The following DNAI7 variants were observed in gnomAD, a reference collection of about 807,000 sequenced individuals.
The protein encoded by DNAI7 is cancer susceptibility 1.
DNAI7 carries 78 observed loss-of-function variants against 86.6 expected under a neutral mutation model. That is an observed-to-expected ratio of 0.90 (90% CI 0.75 to 1.09). The LOEUF is 1.09. DNAI7 is among the 50% of genes least tolerant of loss of function. The pLI, the probability that DNAI7 is intolerant of heterozygous loss-of-function variation, is 0.00. For missense variants in DNAI7, 753 were observed against 810.2 expected, an observed-to-expected ratio of 0.93 and a Z score of 0.86; for synonymous variants, 274 against 273.0, an observed-to-expected ratio of 1.00 and a Z score of -0.04.
At chr12:25,136,609 A>T (rs747208092) in intron 9 of DNAI7, among the ~76,000 whole-genome samples, 1 of 152,234 alleles carries the variant, frequency 6.6e-6, no homozygotes, top group Non-Finnish European at 1.5e-5. Flanking sequence ...TTATTAGGCT[A>T]CTCAAGGAGT....
intron 2 of DNAI7, among the ~76,000 whole-genome samples, chr12:25,168,132 T>C (rs112073843): frequency 0.02 from 3,058 of 152,306 alleles, 84 homozygotes; most frequent in African/African-American, 0.07. Context: ...GCTGGATCCC[T>C]AGGAGTCTAG....
At chr12:25,110,870 T>A (rs1938677214) in intron 14 of DNAI7, among the ~76,000 whole-genome samples, 1 of 152,194 alleles carries the variant, frequency 6.6e-6, no homozygotes. Flanking sequence ...GTTTCATTCA[T>A]TGCTATATCC....
intron 2 of DNAI7, among the ~76,000 whole-genome samples, chr12:25,165,071 G>A (rs966449220): frequency 3.3e-5 from 5 of 152,044 alleles, no homozygotes; most frequent in Admixed American, 1.3e-4. Context: ...CCAGTTCATG[G>A]CTCATTTGGC....
At chr12:25,153,838 A>G (rs965493511) in intron 6 of DNAI7, among the ~76,000 whole-genome samples, 1 of 152,082 alleles carries the variant, frequency 6.6e-6, no homozygotes, top group Non-Finnish European at 1.5e-5. Context: ...TTTTAAGTGC[A>G]TTGTAAAGTG....
chr12:25,172,413 A>G (rs1948242478), intron 2 of DNAI7, among the ~76,000 whole-genome samples: 1 of 152,182 alleles, frequency 6.6e-6, no homozygotes, highest in South Asian at 2.1e-4. Flanking sequence ...ACAGACCTCT[A>G]TAAGGAAAAC....
rs187293218 is a variant in DNAI7, at chr12:25,187,579, T to C, written c.21+3035A>G. 1.6e-3 allele frequency among the ~76,000 whole-genome samples: 250 copies of C among 152,282 alleles called. 2 individuals carry two copies. Among genetic ancestry groups the C allele is most frequent in the Non-Finnish European group, 7.1e-4 (48 of 68,002 alleles). ...AATCAATGAAATAAATATTCTTCCA[T>C]GTTTGCAAGAACTTATATATAAGGA... On this transcript the variant is annotated intron_variant, in intron 2 of 15. Transcript: ENST00000395987.
At chr12:25,174,019 A>G (rs908444825) in intron 2 of DNAI7, among the ~76,000 whole-genome samples, 1 of 148,866 alleles carries the variant, frequency 6.7e-6, no homozygotes, top group Non-Finnish European at 1.5e-5. Flanking sequence ...CATGGAATAC[A>G]TATCTCATAT....
chr12:25,141,705 C>T (rs1017412611), intron 9 of DNAI7, among the ~76,000 whole-genome samples: 3 of 152,092 alleles, frequency 2.0e-5, no homozygotes, highest in South Asian at 2.1e-4. Flanking sequence ...TGGCACGTGC[C>T]GGCAATCCCA....
At chr12:25,123,379 C>A (rs1470320344) in intron 9 of DNAI7, 93 bp from the exon 10 acceptor site, 2 of 723,930 alleles carry the variant, frequency 2.8e-6, no homozygotes, top group Non-Finnish European at 4.3e-6. Context: ...CAGATGCCTG[C>A]TACCTTAATT....
chr12:25,134,843 C>G (rs1310620853), intron 9 of DNAI7, among the ~76,000 whole-genome samples: 1 of 152,210 alleles, frequency 6.6e-6, no homozygotes, highest in Admixed American at 6.5e-5. Context: ...TAGCTGTCTA[C>G]ACTAATTGAT....
chr12:25,136,678 TA>T (rs36123122), intron 9 of DNAI7, among the ~76,000 whole-genome samples: 2 of 151,784 alleles, frequency 1.3e-5, no homozygotes, highest in Non-Finnish European at 2.9e-5. Context: ...AGGCGATGGA[TA>T]AAAAAATCTC....
At chr12:25,158,719 C>G in intron 3 of DNAI7, 156 bp from the exon 4 acceptor site, 1 of 1,475,438 alleles carries the variant, frequency 6.8e-7, no homozygotes. Flanking sequence ...TGTCAGTTCT[C>G]CTTTCTTCAA....
rs202050368 is a variant in DNAI7 at position 25,183,595 on chromosome 12, A to ATT, written c.21+7017_21+7018dup. Among the ~76,000 whole-genome samples, 21 of 148,142 alleles carry ATT rather than the reference A, an allele frequency of 1.4e-4. No homozygotes were observed. The South Asian group carries it at 4.5e-3, about 32-fold the overall frequency. ...TCACTTCCAACTTTTCTGTATTTAA[A>ATT]TTTTTTTTTTTAATTTTTTACTTTT... On this transcript the variant is annotated intron_variant, in intron 2 of 15. Transcript: ENST00000395987.
intron 2 of DNAI7, among the ~76,000 whole-genome samples, chr12:25,166,815 T>C (rs1479967948): frequency 2.0e-5 from 3 of 152,202 alleles, no homozygotes; most frequent in Non-Finnish European, 4.4e-5. Flanking sequence ...TTAATACTTT[T>C]AGAGGCCCTA....
chr12:25,162,005 C>A (rs1038193192), intron 2 of DNAI7, among the ~76,000 whole-genome samples: 1 of 152,118 alleles, frequency 6.6e-6, no homozygotes, highest in African/African-American at 2.4e-5. Flanking sequence ...ACCATTTTGG[C>A]AACAATTAAC....
chr12:25,151,422 C>T (rs563999895), intron 6 of DNAI7, among the ~76,000 whole-genome samples: 1 of 152,326 alleles, frequency 6.6e-6, no homozygotes, highest in South Asian at 2.1e-4. Flanking sequence ...CAGCTTTCTG[C>T]TTTCTTCCTT....
At chr12:25,137,366 A>G (rs1424383320) in intron 9 of DNAI7, among the ~76,000 whole-genome samples, 1 of 152,186 alleles carries the variant, frequency 6.6e-6, no homozygotes, top group African/African-American at 2.4e-5. Context: ...GCACTACAAG[A>G]ATTGCTAAAA....
intron 9 of DNAI7, among the ~76,000 whole-genome samples, chr12:25,135,996 C>A (rs11047855): frequency 0.39 from 58,715 of 151,980 alleles, 13,121 homozygotes; most frequent in East Asian, 0.77. Flanking sequence ...AACCTGAATA[C>A]TTATCCAGGT....
At chr12:25,157,149 G>C (rs931901169) in intron 4 of DNAI7, among the ~76,000 whole-genome samples, 2 of 151,886 alleles carry the variant, frequency 1.3e-5, no homozygotes, top group African/African-American at 4.8e-5. Flanking sequence ...GCAGTGGCGG[G>C]TGCCTGTAGT....
Sources: allele counts gnomAD v4.1 joint callset (sites outside exome capture counted in the v4.1 genomes callset), GRCh38; gene constraint gnomAD v4.1.1; transcripts MANE v1.5; gene names NCBI Gene and HGNC (gene_info 2026-07-23, HGNC 2026-07-21).